IDE: variants seen among roughly 807,000 people sequenced by gnomAD.
IDE encodes insulin-degrading enzyme.
In IDE, 58 loss-of-function variants were observed where a neutral mutation model predicts 133.2. That is an observed-to-expected ratio of 0.44 (90% CI 0.35 to 0.54). The LOEUF is 0.54. Ranked by LOEUF, IDE falls within the 20% of genes least tolerant of loss-of-function variation. IDE has a pLI of 0.00. For missense variants in IDE, 981 were observed against 1,234.0 expected, an observed-to-expected ratio of 0.79 and a Z score of 3.07; for synonymous variants, 396 against 421.3, an observed-to-expected ratio of 0.94 and a Z score of 0.73.
At chr10:92,478,392 A>G (rs1233034926) in intron 15 of IDE, among the ~76,000 whole-genome samples, 3 of 152,244 alleles carry the variant, frequency 2.0e-5, no homozygotes, top group Non-Finnish European at 4.4e-5. Context: ...TTCAGGATTA[A>G]TATGTTAAAC....
chr10:92,496,959 T>A (rs892392319), intron 11 of IDE, among the ~76,000 whole-genome samples: 11 of 152,172 alleles, frequency 7.2e-5, no homozygotes, highest in African/African-American at 2.2e-4. Context: ...GCAAATGCTG[T>A]AACTTTCAAA....
chr10:92,492,398 T>C (rs929868042), intron 11 of IDE, among the ~76,000 whole-genome samples: 8 of 152,192 alleles, frequency 5.3e-5, no homozygotes, highest in Non-Finnish European at 1.5e-5. Flanking sequence ...GCCATCCCTG[T>C]GTAGCACTAT....
At position 92,490,513 on chromosome 10, in the gene IDE, T is replaced by C. The variant is rs746327505; in HGVS notation, c.1513A>G (p.Ile505Val). 4 of 1,606,928 alleles carry C rather than the reference T, an allele frequency of 2.5e-6. No individual in the cohort carries two copies. The South Asian group carries it at 3.3e-5, about 13-fold the overall frequency. ...WYGTQYKQEA[I>V]PDEVIKKWQN... ...CCTACCTTGATGACTTCATCCGGTATAGCTTCTTGTTTGTACTGGGTTCCA... is the reference window on the plus strand; with the variant it reads ...CCTACCTTGATGACTTCATCCGGTACAGCTTCTTGTTTGTACTGGGTTCCA... Residue 505 changes from isoleucine (I) to valine (V), a missense_variant, in exon 12 of 25, where the codon ATA becomes GTA. By Grantham distance (29) the Ile-to-Val change is conservative. Around this residue, in one of 2 missense-constraint regions of IDE, gnomAD observed 660 missense variants for 894.7 expected, o/e 0.74. Coordinates refer to ENST00000265986, the MANE Select transcript of IDE (RefSeq NM_004969.4).
In IDE at chr10:92,569,732, A is replaced by G. The variant is rs543611403; in HGVS notation, c.98+4190T>C. Among the ~76,000 whole-genome samples the G allele has an allele frequency of 3.3e-5, 5 of 152,370 alleles. No individual in the cohort carries two copies. The South Asian group carries it at 1.0e-3, about 32-fold the overall frequency. On this transcript the variant is annotated intron_variant, in intron 1 of 24. Transcript: ENST00000265986. ...AAAAAGACCATTAATCAATTAAGTT[A>G]TGCAGTAAATATGTACTGAGTACCT...
chr10:92,516,951 T>C (rs1193179892), intron 4 of IDE, among the ~76,000 whole-genome samples: 1 of 152,174 alleles, frequency 6.6e-6, no homozygotes, highest in East Asian at 1.9e-4. Context: ...ATTCCAATGA[T>C]CGGTGTCTCT....
In IDE at chr10:92,508,798, A is replaced by G; in HGVS notation, c.990T>C (p.Pro330=). 1 of 1,613,868 alleles carries G rather than the reference A, an allele frequency of 6.2e-7. No individual in the cohort carries two copies. Among genetic ancestry groups the G allele is most frequent in the South Asian group, 1.1e-5 (1 of 91,074 alleles). Residue 330 remains proline (P), a synonymous_variant, in exon 7 of 25, where the codon CCT becomes CCC. Coordinates refer to ENST00000265986, the MANE Select transcript of IDE (RefSeq NM_004969.4). ...CAATGAGATGACCAAGATAATGACC[A>G]GGATTTGATTTGTAGTATTTCTGAA... ...PDLQKYYKSN[P]GHYLGHLIGH... is the part of the protein sequence containing the mutation.
At chr10:92,503,751 T>C (rs1379427847) in intron 11 of IDE, among the ~76,000 whole-genome samples, 4 of 150,322 alleles carry the variant, frequency 2.7e-5, no homozygotes, top group Non-Finnish European at 5.9e-5. Context: ...GGAGTTTCAC[T>C]CTTGTTGCCT....
At chr10:92,509,788 G>C (rs532642941) in intron 6 of IDE, among the ~76,000 whole-genome samples, 1 of 152,006 alleles carries the variant, frequency 6.6e-6, no homozygotes, top group Non-Finnish European at 1.5e-5. Flanking sequence ...AGGTGTGGTA[G>C]TGTGTACTTG....
chr10:92,573,151 T>C, intron 1 of IDE: 9 of 985,426 alleles, frequency 9.1e-6, no homozygotes, highest in Non-Finnish European at 1.1e-5. Context: ...ACTACAAGCC[T>C]GAAAACGCCT....
At chr10:92,536,750 T>G (rs889676864) in intron 2 of IDE, among the ~76,000 whole-genome samples, 2 of 141,040 alleles carry the variant, frequency 1.4e-5, no homozygotes, top group Non-Finnish European at 3.1e-5. Context: ...CTATGAAATA[T>G]GGTATTAGGC....
chr10:92,470,133 GT>G, intron 18 of IDE, 120 bp downstream of exon 18: 1 of 596,210 alleles, frequency 1.7e-6, no homozygotes, highest in Non-Finnish European at 2.9e-6. Flanking sequence ...GAGCAAGAGG[GT>G]TGAGTAAACT....
intron 17 of IDE, among the ~76,000 whole-genome samples, chr10:92,472,935 C>T (rs1258789760): frequency 6.7e-6 from 1 of 148,672 alleles, no homozygotes; most frequent in Non-Finnish European, 1.5e-5. Context: ...CCATGCCCAG[C>T]CCAGAATTTT....
chr10:92,471,287 A>G (rs981774640), intron 17 of IDE, among the ~76,000 whole-genome samples: 2 of 152,190 alleles, frequency 1.3e-5, no homozygotes, highest in Admixed American at 1.3e-4. Flanking sequence ...AGATCTACCA[A>G]TGGATGCTAA....
intron 1 of IDE, among the ~76,000 whole-genome samples, chr10:92,553,829 G>T (rs1012556471): frequency 1.3e-5 from 2 of 152,124 alleles, no homozygotes; most frequent in Non-Finnish European, 2.9e-5. Flanking sequence ...CAAGATTGAA[G>T]CCATAATAAA....
intron 11 of IDE, among the ~76,000 whole-genome samples, chr10:92,493,426 C>CT (rs3837333): frequency 0.1 from 14,910 of 149,204 alleles, 868 homozygotes; most frequent in South Asian, 0.17. Flanking sequence ...GGGTCTCACT[C>CT]TGACACCCAA....
chr10:92,536,535 C>T (rs1450951447), intron 2 of IDE, among the ~76,000 whole-genome samples: 3 of 147,416 alleles, frequency 2.0e-5, no homozygotes, highest in Non-Finnish European at 4.5e-5. Flanking sequence ...CCCATCTCTA[C>T]TAAAAATACA....
At chr10:92,527,513 T>C (rs1228235890) in intron 4 of IDE, among the ~76,000 whole-genome samples, 1 of 152,214 alleles carries the variant, frequency 6.6e-6, no homozygotes, top group African/African-American at 2.4e-5. Flanking sequence ...GCATTGAATT[T>C]AGAGAAATTT....
chr10:92,560,862 T>C (rs998803841), intron 1 of IDE, among the ~76,000 whole-genome samples: 1 of 152,108 alleles, frequency 6.6e-6, no homozygotes, highest in African/African-American at 2.4e-5. Context: ...TAGCTCCACT[T>C]ACTTTCCTAG....
At chr10:92,455,449 C>A (rs1844942116) in intron 24 of IDE, 127 bp downstream of exon 24, 2 of 649,188 alleles carry the variant, frequency 3.1e-6, no homozygotes, top group Admixed American at 5.2e-5. Context: ...CCACTGCACT[C>A]CAGCCTGGGT....
Sources: gnomAD v4.1 joint callset for allele counts (sites outside exome capture counted in the v4.1 genomes callset) on GRCh38, gnomAD v4.1.1 for gene constraint, gnomAD v4.1.1 regional missense constraint, MANE v1.5 for transcripts, NCBI Gene and HGNC (gene_info 2026-07-23, HGNC 2026-07-21) for gene names.